Variants in C7orf78 observed in about 807,000 individuals in gnomAD.
C7orf78 encodes the protein putative uncharacterized protein C7orf78.
the C7orf78 span, chr7:12,504,515 TA>T: frequency 1.4e-4 from 22 of 152,306 alleles, no homozygotes; most frequent in African/African-American, 3.8e-4. Context: ...TATATTACTC[TA>T]AAACTTTTAT....
the C7orf78 span, among the ~76,000 whole-genome samples, chr7:12,532,162 C>T: frequency 6.6e-6 from 1 of 152,178 alleles, no homozygotes; most frequent in Non-Finnish European, 1.5e-5. Flanking sequence ...CCAGCATTCA[C>T]CTGTGGAAGC....
At chr7:12,533,332 C>A in the C7orf78 span, among the ~76,000 whole-genome samples, 80 of 152,054 alleles carry the variant, frequency 5.3e-4, no homozygotes, top group Admixed American at 3.9e-4. Flanking sequence ...TCCTGAGTAG[C>A]TGGGATTACA....
the C7orf78 span, among the ~76,000 whole-genome samples, chr7:12,540,682 G>A: frequency 6.6e-6 from 1 of 152,200 alleles, no homozygotes; most frequent in South Asian, 2.1e-4. Context: ...TTGGCCAACA[G>A]AGTATAGTTC....
the C7orf78 span, among the ~76,000 whole-genome samples, chr7:12,539,694 A>C: frequency 6.6e-6 from 1 of 152,188 alleles, no homozygotes; most frequent in African/African-American, 2.4e-5. Context: ...AGTATTGCCA[A>C]GGAAGAAGTC....
the C7orf78 span, among the ~76,000 whole-genome samples, chr7:12,489,791 T>C: frequency 2.6e-5 from 4 of 152,250 alleles, no homozygotes; most frequent in East Asian, 7.7e-4. Flanking sequence ...ATAGGACCAA[T>C]ATTGCTGCAT....
At chr7:12,495,428 G>A in the C7orf78 span, among the ~76,000 whole-genome samples, 1 of 152,150 alleles carries the variant, frequency 6.6e-6, no homozygotes, top group Non-Finnish European at 1.5e-5. Context: ...TTATTGTGCT[G>A]ATATGTAATT....
chr7:12,500,881 C>T, the C7orf78 span, among the ~76,000 whole-genome samples: 1 of 147,796 alleles, frequency 6.8e-6, no homozygotes, highest in African/African-American at 2.6e-5. Flanking sequence ...GCTTATCCAC[C>T]ATGATCAAGT....
At chr7:12,511,014 T>A in the C7orf78 span, among the ~76,000 whole-genome samples, 2 of 152,182 alleles carry the variant, frequency 1.3e-5, no homozygotes, top group Non-Finnish European at 2.9e-5. Flanking sequence ...AGTTTTATAA[T>A]TTCAGGTTTT....
the C7orf78 span, among the ~76,000 whole-genome samples, chr7:12,520,125 G>A: frequency 8.8e-4 from 134 of 152,302 alleles, no homozygotes; most frequent in Admixed American, 1.7e-3. Flanking sequence ...CTGCAAAAAG[G>A]AGCCCCTATG....
the C7orf78 span, chr7:12,496,464 C>A: frequency 0.096 from 14,515 of 151,716 alleles, 854 homozygotes; most frequent in Non-Finnish European, 0.13. Context: ...TTCTTCTCCC[C>A]TTTTATTAAG....
At chr7:12,504,194 T>C in the C7orf78 span, among the ~76,000 whole-genome samples, 1 of 152,204 alleles carries the variant, frequency 6.6e-6, no homozygotes, top group Admixed American at 6.5e-5. Context: ...TAAAACTGAT[T>C]TGGAGTTCAA....
the C7orf78 span, among the ~76,000 whole-genome samples, chr7:12,497,309 G>C: frequency 6.6e-6 from 1 of 152,166 alleles, no homozygotes; most frequent in East Asian, 1.9e-4. Context: ...TTCCATCTAA[G>C]GTACCGGGTT....
At chr7:12,527,029 T>A in the C7orf78 span, among the ~76,000 whole-genome samples, 2 of 125,494 alleles carry the variant, frequency 1.6e-5, no homozygotes, top group Admixed American at 8.1e-5. Flanking sequence ...GCTTTCCTAG[T>A]ATATGCTATG....
the C7orf78 span, among the ~76,000 whole-genome samples, chr7:12,517,511 C>A: frequency 6.6e-6 from 1 of 152,144 alleles, no homozygotes; most frequent in African/African-American, 2.4e-5. Context: ...TCTGAGATAA[C>A]AAAAATTCAT....
At chr7:12,531,137 T>G in the C7orf78 span, 3 of 398,152 alleles carry the variant, frequency 7.5e-6, no homozygotes, top group Admixed American at 4.4e-5. Context: ...TTATATTAAC[T>G]CTTTAACATT....
chr7:12,496,652 T>C, the C7orf78 span: 1 of 152,232 alleles, frequency 6.6e-6, no homozygotes, highest in South Asian at 2.1e-4. Context: ...TTGTATCTTT[T>C]CTAGCCAATT....
At chr7:12,534,872 T>G in the C7orf78 span, among the ~76,000 whole-genome samples, 2 of 151,918 alleles carry the variant, frequency 1.3e-5, no homozygotes, top group African/African-American at 4.8e-5. Context: ...GAGATTTACT[T>G]GAGCCCAGAA....
At chr7:12,504,461 A>G in the C7orf78 span, 3 of 152,178 alleles carry the variant, frequency 2.0e-5, no homozygotes, top group Non-Finnish European at 4.4e-5. Flanking sequence ...GGATAATGTT[A>G]AACTGTTAGT....
At chr7:12,499,523 G>T in the C7orf78 span, among the ~76,000 whole-genome samples, 1 of 148,528 alleles carries the variant, frequency 6.7e-6, no homozygotes, top group Non-Finnish European at 1.5e-5. Flanking sequence ...TCAACAAGAA[G>T]AGCTAACTAT....
Sources: allele counts gnomAD v4.1 joint callset (sites outside exome capture counted in the v4.1 genomes callset), GRCh38; gene constraint gnomAD v4.1.1; transcripts MANE v1.5; gene names NCBI Gene and HGNC (gene_info 2026-07-23, HGNC 2026-07-21).